Variants in MACROD2 observed in about 807,000 individuals in gnomAD.
The protein encoded by MACROD2 is mono-ADP ribosylhydrolase 2, also known as ADP-ribose glycohydrolase MACROD2.
MACROD2 carries 36 observed loss-of-function variants against 70.4 expected under a neutral mutation model. The observed-to-expected ratio is 0.51, with a 90% confidence interval of 0.39 to 0.68. The LOEUF (loss-of-function observed/expected upper bound fraction) is 0.68, where lower values mean the gene tolerates loss of function less well. Among genes scored for constraint, MACROD2 ranks in the 30% least tolerant of loss-of-function variants. The pLI, the probability that MACROD2 is intolerant of heterozygous loss-of-function variation, is 0.00. For synonymous variants in MACROD2, 172 were observed against 178.8 expected, an observed-to-expected ratio of 0.96 and a Z score of 0.30; for missense variants, 496 against 538.4, an observed-to-expected ratio of 0.92 and a Z score of 0.78.
chr20:15,901,813 T>C (rs1186768892), intron 10 of MACROD2, among the ~76,000 whole-genome samples: 1 of 152,198 alleles, frequency 6.6e-6, no homozygotes, highest in Non-Finnish European at 1.5e-5. Flanking sequence ...TCTCTAGTTA[T>C]CGGCCCTCAG....
chr20:14,063,789 A>G (rs542806431), intron 2 of MACROD2, among the ~76,000 whole-genome samples: 55 of 152,208 alleles, frequency 3.6e-4, no homozygotes, highest in South Asian at 6.2e-4. Context: ...GTGCAGTGGC[A>G]TGATCTTGGC....
chr20:14,535,505 CAAAAAAAA>C (rs11357982), intron 4 of MACROD2, among the ~76,000 whole-genome samples: 4 of 62,990 alleles, frequency 6.4e-5, no homozygotes, highest in South Asian at 1.5e-3. Flanking sequence ...AACTCCGTCT[CAAAAAAAA>C]AAAAAAAAAA....
At chr20:15,320,063 G>A (rs1352172418) in intron 6 of MACROD2, among the ~76,000 whole-genome samples, 2 of 152,148 alleles carry the variant, frequency 1.3e-5, no homozygotes, top group Admixed American at 6.5e-5. Flanking sequence ...AAATTGCTGA[G>A]CGTGGTGACT....
chr20:14,528,871 C>A lies in MACROD2; in HGVS notation c.301+35363C>A, dbSNP rs116860855. Among the ~76,000 whole-genome samples, 1,412 of 152,254 alleles carry A rather than the reference C, an allele frequency of 9.3e-3. 11 individuals carry two copies. Among genetic ancestry groups the A allele is most frequent in the South Asian group, 0.019 (94 of 4,822 alleles). On this transcript the variant is annotated intron_variant, in intron 4 of 17. Coordinates refer to ENST00000684519, the MANE Select transcript of MACROD2 (RefSeq NM_001351661.2). ...GTGCAAGTTATCTAATTTGACCCCT[C>A]TACCCACCCTATGGAGGAAGGTATA...
intron 5 of MACROD2, among the ~76,000 whole-genome samples, chr20:14,951,334 G>A (rs544947272): frequency 6.6e-6 from 1 of 152,182 alleles, no homozygotes; most frequent in South Asian, 2.1e-4. Flanking sequence ...CTGGTTATGA[G>A]TAAGCCAAGT....
chr20:14,270,622 CA>C (rs2082184512), intron 3 of MACROD2, among the ~76,000 whole-genome samples: 1 of 151,792 alleles, frequency 6.6e-6, no homozygotes, highest in East Asian at 1.9e-4. Context: ...AGACAAGTAC[CA>C]TGTCTCTCAA....
chr20:14,447,168 A>C (rs865990796), intron 3 of MACROD2, among the ~76,000 whole-genome samples: 1 of 151,862 alleles, frequency 6.6e-6, no homozygotes, highest in Non-Finnish European at 1.5e-5. Context: ...ACAGGCACCC[A>C]CCACCACACC....
At chr20:14,397,523 C>G (rs2122824472) in intron 3 of MACROD2, among the ~76,000 whole-genome samples, 1 of 152,194 alleles carries the variant, frequency 6.6e-6, no homozygotes, top group East Asian at 1.9e-4. Flanking sequence ...TTATTTTTGT[C>G]ACACTATTAT....
In MACROD2 at chr20:14,758,643, G is replaced by T. The variant is rs2071974219; in HGVS notation, c.418+73684G>T. On this transcript the variant is annotated intron_variant, in intron 5 of 17. Transcript: ENST00000684519. ...ATTTTAATAGCTTCCCATGGAGCTG[G>T]TTTTTATCCAGCTAGGCTTTAGTGT... Among the ~76,000 whole-genome samples the T allele has an allele frequency of 1.3e-5, 2 of 152,138 alleles. 1 individual carries two copies. The highest frequency in any genetic ancestry group is 4.8e-5 in the African/African-American group (2 of 41,402).
intron 8 of MACROD2, among the ~76,000 whole-genome samples, chr20:15,656,785 T>C (rs2049737245): frequency 1.3e-5 from 2 of 152,006 alleles, no homozygotes; most frequent in African/African-American, 4.8e-5. Flanking sequence ...CAAGGAATTA[T>C]AAAGCATAGG....
intron 8 of MACROD2, among the ~76,000 whole-genome samples, chr20:15,685,439 C>G (rs6110735): frequency 0.064 from 9,808 of 152,198 alleles, 430 homozygotes; most frequent in South Asian, 0.17. Flanking sequence ...CTGAAGGAGG[C>G]TTTATAAGGA....
rs2047619301 is a variant in MACROD2, at chr20:15,519,347, A to G, written c.645+19500A>G. Among the ~76,000 whole-genome samples, 7 of 152,164 alleles carry G rather than the reference A, an allele frequency of 4.6e-5. No homozygotes were observed. The South Asian group carries it at 1.2e-3, about 27-fold the overall frequency. ...CACCGTGTTAGCCAGGATGGCCTCG[A>G]TCTCCTTACCTTGTGATCCTCCCAC... is the stretch of plus-strand genomic sequence containing the variant. On this transcript the variant is annotated intron_variant, in intron 8 of 17. Coordinates refer to ENST00000684519, the MANE Select transcript of MACROD2 (RefSeq NM_001351661.2).
rs79109542 is a variant in MACROD2 at position 14,123,192 on chromosome 20, G to A, written c.271+37464G>A. On this transcript the variant is annotated intron_variant, in intron 3 of 17. Transcript: ENST00000684519. ...CCCTTATTTTAACCAAACATAGTCT[G>A]AATGTTACAAAACTTTAAATTATTT... is the stretch of plus-strand genomic sequence containing the variant. Among the ~76,000 whole-genome samples, 1,303 of 152,154 alleles carry A rather than the reference G, an allele frequency of 8.6e-3. 34 individuals are homozygous for A. The highest frequency in any genetic ancestry group is 0.054 in the Admixed American group (820 of 15,260).
chr20:14,264,355 A>G (rs2082125672), intron 3 of MACROD2, among the ~76,000 whole-genome samples: 1 of 152,196 alleles, frequency 6.6e-6, no homozygotes. Flanking sequence ...AACAGTTCTA[A>G]GTACTAGGAA....
chr20:15,893,686 A>G, intron 10 of MACROD2: 1 of 456,710 alleles, frequency 2.2e-6, no homozygotes, highest in South Asian at 1.5e-5. Context: ...AAAGACCCAG[A>G]AGCGATAGAG....
At chr20:14,531,275 C>T (rs576575610) in intron 4 of MACROD2, among the ~76,000 whole-genome samples, 2 of 152,152 alleles carry the variant, frequency 1.3e-5, no homozygotes, top group South Asian at 4.2e-4. Flanking sequence ...AGGAAATAAT[C>T]CTGGATTCAG....
intron 3 of MACROD2, among the ~76,000 whole-genome samples, chr20:14,211,367 A>G (rs1351939970): frequency 6.6e-6 from 1 of 152,136 alleles, no homozygotes; most frequent in African/African-American, 2.4e-5. Context: ...TTTGGCAGCA[A>G]AACTTGATGT....
chr20:14,964,706 A>C (rs2074616545), intron 5 of MACROD2, among the ~76,000 whole-genome samples: 2 of 152,208 alleles, frequency 1.3e-5, no homozygotes, highest in Non-Finnish European at 2.9e-5. Context: ...TAGTAGCTAG[A>C]TTTATTGAGT....
intron 3 of MACROD2, among the ~76,000 whole-genome samples, chr20:14,317,577 G>A (rs530693735): frequency 4.1e-5 from 6 of 145,888 alleles, no homozygotes; most frequent in East Asian, 4.1e-4. Flanking sequence ...CCAAGATTGC[G>A]CCACTGCACT....
Sources: gnomAD v4.1 joint callset for allele counts (sites outside exome capture counted in the v4.1 genomes callset) on GRCh38, gnomAD v4.1.1 for gene constraint, MANE v1.5 for transcripts, NCBI Gene and HGNC (gene_info 2026-07-23, HGNC 2026-07-21) for gene names.